IFT122: variants seen among roughly 807,000 people sequenced by gnomAD.
IFT122 encodes the protein intraflagellar transport protein 122 homolog.
A neutral mutation model predicts 161.6 loss-of-function variants in IFT122; 118 were observed. The ratio of observed to expected loss-of-function variants is 0.73; its 90% CI spans 0.63 to 0.85. The LOEUF (loss-of-function observed/expected upper bound fraction) is 0.85, where lower values mean the gene tolerates loss of function less well. IFT122 is among the 40% of genes least tolerant of loss of function. IFT122 has a pLI of 0.00. For synonymous variants in IFT122, 550 were observed against 602.4 expected (o/e 0.91, Z 1.27); for missense variants, 1,381 against 1,579.6 (o/e 0.87, Z 2.13).
At chr3:129,466,511 T>A (rs1051614796) in intron 7 of IFT122, among the ~76,000 whole-genome samples, 10 of 133,332 alleles carry the variant, frequency 7.5e-5, no homozygotes, top group African/African-American at 2.9e-4. Context: ...TTTTTTTTTT[T>A]TTTTTTTTGA....
chr3:129,517,671 C>T (rs960416522), intron 27 of IFT122, 77 bp downstream of exon 27: 5 of 1,567,710 alleles, frequency 3.2e-6, no homozygotes, highest in Non-Finnish European at 3.5e-6. Flanking sequence ...TAGGAGGGCC[C>T]AGTCCCAGGG....
intron 5 of IFT122, chr3:129,463,304 T>A (rs2076374630): frequency 2.2e-6 from 1 of 448,226 alleles, no homozygotes; most frequent in South Asian, 2.1e-5. Flanking sequence ...TAGTGTCATA[T>A]CTACTCACCT....
At chr3:129,442,966 A>G (rs1359362917) in intron 1 of IFT122, among the ~76,000 whole-genome samples, 1 of 152,212 alleles carries the variant, frequency 6.6e-6, no homozygotes, top group Non-Finnish European at 1.5e-5. Flanking sequence ...GCACAGCTCC[A>G]GGTTCATCTC....
chr3:129,495,114 G>T (rs1212375085), intron 17 of IFT122, among the ~76,000 whole-genome samples: 4 of 152,210 alleles, frequency 2.6e-5, no homozygotes, highest in Admixed American at 2.0e-4. Flanking sequence ...GATCTTGGGA[G>T]CTTAGGGGTC....
At chr3:129,488,847 T>TG (rs1214205170) in intron 16 of IFT122, among the ~76,000 whole-genome samples, 1 of 151,820 alleles carries the variant, frequency 6.6e-6, no homozygotes, top group African/African-American at 2.4e-5. Context: ...CCAACTAAGG[T>TG]GGGAGAGATG....
At chr3:129,482,015 G>A (rs2078713289) in intron 14 of IFT122, among the ~76,000 whole-genome samples, 1 of 152,260 alleles carries the variant, frequency 6.6e-6, no homozygotes, top group African/African-American at 2.4e-5. Context: ...GGGGTGTGAC[G>A]TTGGCACTCA....
At chr3:129,483,980 C>T (rs1004179764) in intron 15 of IFT122, 30 of 445,116 alleles carry the variant, frequency 6.7e-5, no homozygotes, top group Middle Eastern at 6.9e-4. Flanking sequence ...GAGAGCCCAG[C>T]GTGGGGCCGA....
intron 22 of IFT122, among the ~76,000 whole-genome samples, chr3:129,507,362 C>G (rs1411513349): frequency 1.3e-5 from 2 of 152,248 alleles, no homozygotes; most frequent in African/African-American, 4.8e-5. Context: ...TTGGGTCTTG[C>G]TGCAGCTGTC....
chr3:129,502,787 C>T lies in IFT122; in HGVS notation c.2452C>T (p.Leu818=), dbSNP rs2081732995. 14 of 1,613,072 alleles carry T rather than the reference C, an allele frequency of 8.7e-6. No individual in the cohort carries two copies. The highest frequency in any genetic ancestry group is 1.2e-5 in the Non-Finnish European group (14 of 1,180,038). The change falls in exon 20 of 30, where the codon CTG becomes TTG. Residue 818 remains leucine (L), a synonymous_variant. Coordinates refer to ENST00000348417, the MANE Select transcript of IFT122 (RefSeq NM_052989.3). ...LLLCATYLKK[L]DSPGYAAETY... is the part of the protein sequence containing the mutation. ...GCTGTGCGCTACCTACCTCAAGAAG[C>T]TGGACAGCCCTGGCTATGCTGCTGA...
chr3:129,519,591 A>G lies in IFT122; in HGVS notation c.3495A>G (p.Pro1165=). Residue 1165 remains proline, a synonymous_variant, in exon 29 of 30, where the codon CCA becomes CCG. Coordinates refer to ENST00000348417, the MANE Select transcript of IFT122 (RefSeq NM_052989.3). ...SFEQGGSEFV[P]VVVSRLVLRS... is the part of the protein sequence containing the mutation. Reference sequence around the variant, plus strand: ...AGCAAGGTGGCTCAGAGTTCGTGCCAGTGGTGGTGAGCCGGCTGGTGCTGC... The same window carrying G: ...AGCAAGGTGGCTCAGAGTTCGTGCCGGTGGTGGTGAGCCGGCTGGTGCTGC... 2.5e-6 allele frequency: 4 copies of G among 1,613,654 alleles called. No individual in the cohort carries two copies. Among genetic ancestry groups the G allele is most frequent in the Non-Finnish European group, 3.4e-6 (4 of 1,180,000 alleles).
intron 28 of IFT122, 123 bp downstream of exon 28, chr3:129,519,309 C>T: frequency 9.5e-7 from 1 of 1,051,844 alleles, no homozygotes; most frequent in Non-Finnish European, 1.5e-6. Flanking sequence ...GATGTGGTGG[C>T]ACGAAGGAGG....
chr3:129,502,604 G>C, intron 19 of IFT122, 107 bp from the exon 20 acceptor site: 2 of 1,276,372 alleles, frequency 1.6e-6, no homozygotes, highest in Non-Finnish European at 1.1e-6. Flanking sequence ...CAACTCCCAT[G>C]GGCCATGGCA....
intron 6 of IFT122, 33 bp downstream of exon 6, chr3:129,463,659 C>G (rs1409301932): frequency 2.0e-6 from 3 of 1,506,398 alleles, no homozygotes; most frequent in Non-Finnish European, 2.8e-6. Flanking sequence ...GATTTATGTT[C>G]CTTCATCTTC....
intron 15 of IFT122, chr3:129,487,757 C>T (rs1434210389): frequency 6.0e-5 from 14 of 234,860 alleles, no homozygotes; most frequent in Middle Eastern, 1.6e-3. Flanking sequence ...CCACTGCCCA[C>T]GGCTGTGCAC....
chr3:129,481,473 T>C, intron 13 of IFT122, 57 bp from the exon 14 acceptor site: 3 of 1,365,298 alleles, frequency 2.2e-6, no homozygotes, highest in Non-Finnish European at 3.1e-6. Flanking sequence ...GGCCTGGCAG[T>C]GGGCCAGGAT....
At chr3:129,487,779 G>T in intron 15 of IFT122, 1 of 262,572 alleles carries the variant, frequency 3.8e-6, no homozygotes, top group African/African-American at 2.2e-5. Flanking sequence ...GCTTTGCTGT[G>T]GGAACAGGCC....
chr3:129,511,184 T>A (rs1438084141), intron 23 of IFT122, among the ~76,000 whole-genome samples: 1 of 152,192 alleles, frequency 6.6e-6, no homozygotes, highest in Non-Finnish European at 1.5e-5. Context: ...AGGAAAGGAC[T>A]CCCCTGCTAC....
chr3:129,454,154 A>G (rs923131673), intron 3 of IFT122, among the ~76,000 whole-genome samples: 3 of 152,208 alleles, frequency 2.0e-5, no homozygotes, highest in Non-Finnish European at 4.4e-5. Context: ...CTTCATGTGT[A>G]TGCAGAATTT....
chr3:129,482,919 C>T (rs1029371373), intron 14 of IFT122, among the ~76,000 whole-genome samples: 2 of 152,220 alleles, frequency 1.3e-5, no homozygotes, highest in Non-Finnish European at 2.9e-5. Context: ...GGGGGCATAG[C>T]TGGCCCCAAA....
Sources: allele counts gnomAD v4.1 joint callset (sites outside exome capture counted in the v4.1 genomes callset), GRCh38; gene constraint gnomAD v4.1.1; transcripts MANE v1.5; gene names NCBI Gene and HGNC (gene_info 2026-07-23, HGNC 2026-07-21).